The following PLEKHA7 variants were observed in gnomAD, a reference collection of about 807,000 sequenced individuals.
PLEKHA7 encodes the protein pleckstrin homology domain-containing family A member 7.
Under a neutral mutation model 170.0 loss-of-function variants are expected in PLEKHA7, and 104 were observed. That is an observed-to-expected ratio of 0.61 (90% CI 0.52 to 0.72). The LOEUF is 0.72. Ranked by LOEUF, PLEKHA7 falls within the 30% of genes least tolerant of loss-of-function variation. The pLI, the probability that PLEKHA7 is intolerant of heterozygous loss-of-function variation, is 0.00. For missense variants in PLEKHA7, 1,615 were observed against 1,671.7 expected, an observed-to-expected ratio of 0.97 and a Z score of 0.59; for synonymous variants, 648 against 660.8, an observed-to-expected ratio of 0.98 and a Z score of 0.30.
chr11:16,883,657 T>A (rs1855871047), intron 3 of PLEKHA7, among the ~76,000 whole-genome samples: 1 of 152,158 alleles, frequency 6.6e-6, no homozygotes, highest in Admixed American at 6.5e-5. Context: ...CAAGGCTCCT[T>A]CTCTTCCAAG....
chr11:16,909,133 C>T (rs1287417158), intron 3 of PLEKHA7, among the ~76,000 whole-genome samples: 1 of 152,168 alleles, frequency 6.6e-6, no homozygotes, highest in Non-Finnish European at 1.5e-5. Context: ...CTGAACACTT[C>T]ACATGCACTG....
In PLEKHA7 at chr11:16,817,172, C is replaced by T. The variant is rs185644801; in HGVS notation, c.1494G>A (p.Ala498=). 25 of 1,614,148 alleles carry T rather than the reference C, an allele frequency of 1.5e-5. No individual in the cohort carries two copies. In the Admixed American group the frequency reaches 2.8e-4, roughly 18 times the overall value. Residue 498 remains alanine (A), a synonymous_variant, in exon 11 of 27, where the codon GCG becomes GCA. Coordinates refer to ENST00000531066, the MANE Select transcript of PLEKHA7 (RefSeq NM_001329630.2). The surrounding 1 kb of genome is among the most constrained non-coding windows in gnomAD (Gnocchi z 4.4). The part of the protein sequence containing the change: ...PRNLPSDYKY[A]QDRASHLKMS... ...TCTTCAGGTGGCTGGCTCGGTCCTG[C>T]GCATACTTGTAGTCACTTGGCAGGT...
rs1030947008 is a variant in PLEKHA7 at position 16,822,062 on chromosome 11, A to T, written c.1343+4058T>A. ...CCACCCACCTCTCATTTCCCTGTTA[A>T]CTTCTCATCCTTTAGGTCTCTGGTG... On this transcript the variant is annotated intron_variant, in intron 10 of 26. Coordinates refer to ENST00000531066, the MANE Select transcript of PLEKHA7 (RefSeq NM_001329630.2). Among the ~76,000 whole-genome samples, 2 of 152,076 alleles carry T rather than the reference A, an allele frequency of 1.3e-5. 1 individual carries two copies.
At chr11:16,932,279 T>TC in intron 3 of PLEKHA7, among the ~76,000 whole-genome samples, 1 of 446 alleles carries the variant, frequency 2.2e-3, no homozygotes, top group Admixed American at 3.6e-3. Context: ...TATTCATTCC[T>TC]TTTTTTTTTT....
At chr11:16,895,883 C>T (rs12418111) in intron 3 of PLEKHA7, among the ~76,000 whole-genome samples, 19,531 of 152,208 alleles carry the variant, frequency 0.13, 1,336 homozygotes, top group Admixed American at 0.17. Context: ...AGAAGAGAAT[C>T]TGCCAAAATT....
At chr11:16,836,120 A>T (rs1354033979) in intron 9 of PLEKHA7, among the ~76,000 whole-genome samples, 1 of 152,178 alleles carries the variant, frequency 6.6e-6, no homozygotes, top group Non-Finnish European at 1.5e-5. Flanking sequence ...GAGCTTCTAG[A>T]CCAGACTCTG....
chr11:16,989,051 C>G (rs932185231), intron 3 of PLEKHA7, among the ~76,000 whole-genome samples: 1 of 152,208 alleles, frequency 6.6e-6, no homozygotes, highest in Non-Finnish European at 1.5e-5. Flanking sequence ...AAGGGGTGAC[C>G]CATGAATGCG....
At chr11:16,782,656 C>T in intron 26 of PLEKHA7, 98 bp downstream of exon 26, 2 of 1,443,452 alleles carry the variant, frequency 1.4e-6, no homozygotes, top group South Asian at 2.6e-5. Context: ...TCCTTGACAC[C>T]TGGTTTTCCA....
intron 8 of PLEKHA7, among the ~76,000 whole-genome samples, chr11:16,843,123 C>T (rs145170845): frequency 6.6e-6 from 1 of 152,322 alleles, no homozygotes; most frequent in East Asian, 1.9e-4. Context: ...ATAGTAGATG[C>T]TCAATAAACA....
chr11:16,897,530 AG>A, intron 3 of PLEKHA7, among the ~76,000 whole-genome samples: 1 of 152,308 alleles, frequency 6.6e-6, no homozygotes, highest in South Asian at 2.1e-4. Flanking sequence ...ACTGGTGGTA[AG>A]TGGCAGCTTT....
chr11:16,791,041 C>G lies in PLEKHA7; in HGVS notation c.2904G>C (p.Glu968Asp), dbSNP rs1373340679. Reference protein sequence around the residue: ...RQSDERKRDRELGQCVNGDSR... With the variant: ...RQSDERKRDRDLGQCVNGDSR... ...AATCCCCATTCACACACTGCCCCAGCTCCCGGTCTCGCTTCCTCTCGTCTG... is the reference window on the plus strand; with the variant it reads ...AATCCCCATTCACACACTGCCCCAGGTCCCGGTCTCGCTTCCTCTCGTCTG... The change falls in exon 20 of 27, where the codon GAG becomes GAC. Residue 968 changes from glutamate to aspartate, a missense_variant. Physicochemically the swap from Glu to Asp is conservative, Grantham distance 45 (BLOSUM62 2). Coordinates refer to ENST00000531066, the MANE Select transcript of PLEKHA7 (RefSeq NM_001329630.2). The surrounding 1 kb of genome is among the most constrained non-coding windows in gnomAD (Gnocchi z 4.5). The G allele has an allele frequency of 1.9e-6, 3 of 1,614,170 alleles. No homozygotes were observed. The highest frequency in any genetic ancestry group is 2.7e-5 in the African/African-American group (2 of 75,056).
Position 16,802,956 on chromosome 11 carries a change from C to A in PLEKHA7, c.2157+16G>T. The A allele has an allele frequency of 6.2e-7, 1 of 1,603,646 alleles. No homozygotes were observed. The highest frequency in any genetic ancestry group is 8.5e-7 in the Non-Finnish European group (1 of 1,170,366). On this transcript the variant is annotated intron_variant, in intron 15 of 26. Transcript: ENST00000531066. ...TCCCTCTGCCCATTCCAAGATTATT[C>A]AAAACTGACACGTACTTTGTTCTCT... is the stretch of plus-strand genomic sequence containing the variant.
At chr11:16,854,414 A>G (rs1469902839) in intron 6 of PLEKHA7, among the ~76,000 whole-genome samples, 1 of 152,198 alleles carries the variant, frequency 6.6e-6, no homozygotes, top group Non-Finnish European at 1.5e-5. Flanking sequence ...GTCTTGGGGA[A>G]ATGGCAGGCC....
chr11:16,860,570 G>A (rs1853864347), intron 4 of PLEKHA7, among the ~76,000 whole-genome samples: 1 of 152,110 alleles, frequency 6.6e-6, no homozygotes. Flanking sequence ...CCAGGCACTT[G>A]GCCTGCATTA....
At chr11:16,973,312 G>A (rs961865229) in intron 3 of PLEKHA7, among the ~76,000 whole-genome samples, 4 of 152,136 alleles carry the variant, frequency 2.6e-5, no homozygotes, top group Non-Finnish European at 5.9e-5. Context: ...CCCCACACAA[G>A]GTAAAGAGGT....
chr11:16,800,680 T>C (rs1848536424), intron 17 of PLEKHA7, among the ~76,000 whole-genome samples: 1 of 152,222 alleles, frequency 6.6e-6, no homozygotes, highest in Admixed American at 6.5e-5. Flanking sequence ...CTGTGATTAC[T>C]GATGACACCA....
At chr11:16,802,125 A>C (rs1848633514) in intron 15 of PLEKHA7, among the ~76,000 whole-genome samples, 1 of 152,250 alleles carries the variant, frequency 6.6e-6, no homozygotes, top group Non-Finnish European at 1.5e-5. Context: ...AATTAAAAAA[A>C]CAAAAAACAA....
intron 3 of PLEKHA7, among the ~76,000 whole-genome samples, chr11:16,943,126 T>C (rs541707428): frequency 2.6e-5 from 4 of 152,208 alleles, no homozygotes; most frequent in Middle Eastern, 3.2e-3. Context: ...GCAAGCCACA[T>C]ACGCAATTTC....
At chr11:16,947,931 A>G (rs1458260950) in intron 3 of PLEKHA7, among the ~76,000 whole-genome samples, 1 of 151,526 alleles carries the variant, frequency 6.6e-6, no homozygotes, top group East Asian at 1.9e-4. Context: ...AAAAAAAAAA[A>G]AGAAAAAAAA....
Sources: allele counts gnomAD v4.1 joint callset (sites outside exome capture counted in the v4.1 genomes callset), GRCh38; gene constraint gnomAD v4.1.1; non-coding constraint Gnocchi (gnomAD v3.1); transcripts MANE v1.5; gene names NCBI Gene and HGNC (gene_info 2026-07-23, HGNC 2026-07-21).